The following STK35 variants were observed in gnomAD, a reference collection of about 807,000 sequenced individuals.
The protein encoded by STK35 is serine/threonine-protein kinase 35.
In STK35, 17 loss-of-function variants were observed where a neutral mutation model predicts 37.3. The observed-to-expected ratio is 0.46, with a 90% CI of 0.31 to 0.68. The LOEUF (loss-of-function observed/expected upper bound fraction) is 0.68, where lower values mean the gene tolerates loss of function less well. Among genes scored for constraint, STK35 ranks in the 30% least tolerant of loss-of-function variants. The pLI is 0.05. For missense variants in STK35, 595 were observed against 746.7 expected, an observed-to-expected ratio of 0.80 and a Z score of 2.37; for synonymous variants, 385 against 319.1, an observed-to-expected ratio of 1.21 and a Z score of -2.20.
chr20:2,124,976 G>GC (rs1159960996), intron 3 of STK35, among the ~76,000 whole-genome samples: 1 of 152,174 alleles, frequency 6.6e-6, no homozygotes, highest in Non-Finnish European at 1.5e-5. Flanking sequence ...GGGGCCGATG[G>GC]CCCCCCAGGG....
intron 3 of STK35, among the ~76,000 whole-genome samples, chr20:2,139,070 G>A (rs1313528951): frequency 6.6e-6 from 1 of 152,180 alleles, no homozygotes; most frequent in African/African-American, 2.4e-5. Flanking sequence ...CACTAATAAA[G>A]TAGGAAGGCC....
chr20:2,110,724 C>T (rs187723895), intron 2 of STK35, among the ~76,000 whole-genome samples: 1 of 152,290 alleles, frequency 6.6e-6, no homozygotes, highest in Non-Finnish European at 1.5e-5. Flanking sequence ...CCTAATTAGT[C>T]CTCTGCTGAA....
In STK35 at chr20:2,103,233, C is replaced by G; in HGVS notation, c.760C>G (p.Leu254Val). 6.2e-7 allele frequency: 1 copy of G among 1,613,072 alleles called. No homozygotes were observed. The highest frequency in any genetic ancestry group is 1.3e-5 in the African/African-American group (1 of 75,064). The stretch of plus-strand genomic sequence containing the variant: ...GGCTGAATTCTGGGCCCTCACCAGC[C>G]TCAAGCGGCGCCACCAGAACGTCGT... ...ALAEFWALTS[L>V]KRRHQNVVQF... The change falls in exon 2 of 4, where the codon CTC becomes GTC. Residue 254 changes from leucine (L) to valine (V), a missense_variant. By Grantham distance (32) the Leu-to-Val change is conservative. Coordinates refer to ENST00000381482, the MANE Select transcript of STK35 (RefSeq NM_080836.4).
rs1985393350 is a variant in STK35, at chr20:2,101,931, C to G, written c.50C>G (p.Ala17Gly). 1.3e-6 allele frequency: 2 copies of G among 1,485,344 alleles called. No homozygotes were observed. Among genetic ancestry groups the G allele is most frequent in the African/African-American group, 1.4e-5 (1 of 69,660 alleles). 92.0% of individuals were successfully genotyped at this position (1,485,344 alleles called of 1,614,324 possible). Residue 17 changes from alanine (A) to glycine (G), a missense_variant, in exon 1 of 4, where the codon GCT becomes GGT. Ala to Gly is a moderately conservative substitution (Grantham distance 60). This residue lies in a region of STK35 where 389 missense variants were observed against 320.0 expected (regional missense o/e 1.22). Coordinates refer to ENST00000381482, the MANE Select transcript of STK35 (RefSeq NM_080836.4). ...GCCCGGGCGCCGGCGGGAGGTGCAGCTTATGTAAAGAGGTTATGTAAAGGG... is the reference window on the plus strand; with the variant it reads ...GCCCGGGCGCCGGCGGGAGGTGCAGGTTATGTAAAGAGGTTATGTAAAGGG... ...PLARAPAGGAAYVKRLCKGLS... is the reference protein window; with the variant it reads ...PLARAPAGGAGYVKRLCKGLS...
intron 2 of STK35, among the ~76,000 whole-genome samples, chr20:2,116,305 G>C (rs1413289035): frequency 2.0e-5 from 3 of 152,202 alleles, no homozygotes; most frequent in Non-Finnish European, 4.4e-5. Context: ...AGAAGCAACA[G>C]ACCCGTGACA....
chr20:2,102,721 G>T, intron 1 of STK35, 47 bp from the exon 2 acceptor site: 1 of 1,358,778 alleles, frequency 7.4e-7, no homozygotes. Context: ...TACGCTCCTG[G>T]CCTCCCCGCC....
At chr20:2,135,190 CTA>C (rs1986065795) in intron 3 of STK35, among the ~76,000 whole-genome samples, 1 of 152,222 alleles carries the variant, frequency 6.6e-6, no homozygotes, top group African/African-American at 2.4e-5. Context: ...GAGCACATTC[CTA>C]TGATTGCATC....
chr20:2,102,311 A>C, intron 1 of STK35, 136 bp downstream of exon 1: 1 of 1,206,874 alleles, frequency 8.3e-7, no homozygotes, highest in Non-Finnish European at 1.1e-6. Context: ...AATCCCTTCT[A>C]CCCGTCGCCC....
intron 2 of STK35, among the ~76,000 whole-genome samples, chr20:2,107,426 G>GGT (rs1985537164): frequency 1.3e-5 from 2 of 152,232 alleles, no homozygotes; most frequent in South Asian, 4.1e-4. Context: ...TGGGAACCGA[G>GGT]GCCTTGGAAA....
rs745719633 is a variant in STK35, at chr20:2,146,467, T to C, written c.*2721T>C. On this transcript the variant is annotated 3_prime_UTR_variant, in exon 4 of 4. Coordinates refer to ENST00000381482, the MANE Select transcript of STK35 (RefSeq NM_080836.4). ...ACGGCAGTCATTTGTTCTCCTCGGC[T>C]CTGTGGCAAGGATAGCCCTTTGGAG... 1 of 152,794 alleles carries C rather than the reference T, an allele frequency of 6.5e-6. No homozygotes were observed. The highest frequency in any genetic ancestry group is 1.5e-5 in the Non-Finnish European group (1 of 68,142). 9.5% of individuals were successfully genotyped at this position (152,794 alleles called of 1,614,324 possible). A position where few individuals can be genotyped will look rare whatever the true frequency, so the allele number is the denominator to read the frequency against.
intron 3 of STK35, among the ~76,000 whole-genome samples, chr20:2,128,619 T>G (rs1985945773): frequency 1.3e-5 from 2 of 152,002 alleles, no homozygotes; most frequent in African/African-American, 4.8e-5. Flanking sequence ...CAATTTAACC[T>G]CTCCGTGGGC....
At position 2,111,667 on chromosome 20, in the gene STK35, C is replaced by T. The variant is rs181964008; in HGVS notation, c.893-4999C>T. Among the ~76,000 whole-genome samples, 117 of 152,344 alleles carry T rather than the reference C, an allele frequency of 7.7e-4. 1 individual carries two copies. Among genetic ancestry groups the T allele is most frequent in the African/African-American group, 2.8e-3 (115 of 41,576 alleles). The stretch of plus-strand genomic sequence containing the variant: ...GCAGTGAGCTGTGATTGGCTGCACT[C>T]TGGCCTGGGCAACAGAGCTAGACCG... On this transcript the variant is annotated intron_variant, in intron 2 of 3. Transcript: ENST00000381482.
chr20:2,137,465 C>T (rs1202490156), intron 3 of STK35, among the ~76,000 whole-genome samples: 1 of 152,212 alleles, frequency 6.6e-6, no homozygotes, highest in Non-Finnish European at 1.5e-5. Context: ...TGTCGTAAGG[C>T]GTGGACCTGT....
In STK35 at chr20:2,120,710, G is replaced by A. The variant is rs138800348; in HGVS notation, c.*37+3295G>A. ...CATGTTCTTTGGAAACTCTTTCCAA[G>A]TACCATTTTAGACACAGATAATACA... On this transcript the variant is annotated intron_variant, in intron 3 of 3. Transcript: ENST00000381482. Among the ~76,000 whole-genome samples the A allele has an allele frequency of 5.4e-3, 826 of 152,320 alleles. 4 individuals are homozygous for A. Among genetic ancestry groups the A allele is most frequent in the Non-Finnish European group, 8.4e-3 (574 of 68,024 alleles).
intron 2 of STK35, among the ~76,000 whole-genome samples, chr20:2,114,265 G>A (rs539468594): frequency 1.2e-4 from 19 of 152,148 alleles, no homozygotes; most frequent in African/African-American, 3.9e-4. Context: ...TTGAGGCCAG[G>A]TGCTATTGAG....
chr20:2,127,841 T>C (rs1431592761), intron 3 of STK35, among the ~76,000 whole-genome samples: 1 of 152,180 alleles, frequency 6.6e-6, no homozygotes, highest in Non-Finnish European at 1.5e-5. Context: ...GAGATCCAGA[T>C]GTGAGTCTTG....
Position 2,101,953 on chromosome 20 carries a change from A to C in STK35, c.72A>C (p.Lys24Asn). 6.6e-7 allele frequency: 1 copy of C among 1,517,990 alleles called. No individual in the cohort carries two copies. Among genetic ancestry groups the C allele is most frequent in the South Asian group, 1.2e-5 (1 of 83,104 alleles). The allele number at this position is 1,517,990 out of a possible 1,614,324, so 94.0% of individuals were successfully genotyped here. A position where few individuals can be genotyped will look rare whatever the true frequency, so the allele number is the denominator to read the frequency against. Residue 24 changes from lysine to asparagine, a missense_variant, in exon 1 of 4, where the codon AAA (lysine) becomes AAC (asparagine). Lys to Asn is a moderately conservative substitution (Grantham distance 94, BLOSUM62 0). Around this residue, in one of 3 missense-constraint regions of STK35, gnomAD observed 389 missense variants for 320.0 expected, o/e 1.22. Coordinates refer to ENST00000381482, the MANE Select transcript of STK35 (RefSeq NM_080836.4). ...CAGCTTATGTAAAGAGGTTATGTAA[A>C]GGGCTCAGCTGGCGCGAACACGTGG... is the stretch of plus-strand genomic sequence containing the variant. The part of the protein sequence containing the change: ...GGAAYVKRLC[K>N]GLSWREHVES...
Position 2,146,145 on chromosome 20 carries a change from C to T in STK35, c.*2399C>T. ...ATAAATGCAGGCCAGCGTTTTAGCCCCAAGTGCCTGCCCTTGCTTCTTACC... is the reference window on the plus strand; with the variant it reads ...ATAAATGCAGGCCAGCGTTTTAGCCTCAAGTGCCTGCCCTTGCTTCTTACC... On this transcript the variant is annotated 3_prime_UTR_variant, in exon 4 of 4. Coordinates refer to ENST00000381482, the MANE Select transcript of STK35 (RefSeq NM_080836.4). 6.6e-6 allele frequency: 1 copy of T among 152,212 alleles called. No homozygotes were observed. The highest frequency in any genetic ancestry group is 2.1e-4 in the South Asian group (1 of 4,836). 9.4% of individuals were successfully genotyped at this position (152,212 alleles called of 1,614,324 possible). A position where few individuals can be genotyped will look rare whatever the true frequency, so the allele number is the denominator to read the frequency against.
chr20:2,114,621 G>C (rs766616225), intron 2 of STK35, among the ~76,000 whole-genome samples: 21 of 152,126 alleles, frequency 1.4e-4, no homozygotes, highest in Non-Finnish European at 2.6e-4. Flanking sequence ...CCTCAGAGCA[G>C]CTCCTCAGTC....
Sources: allele counts gnomAD v4.1 joint callset (sites outside exome capture counted in the v4.1 genomes callset), GRCh38; gene constraint gnomAD v4.1.1; regional missense constraint gnomAD v4.1.1; transcripts MANE v1.5; gene names NCBI Gene and HGNC (gene_info 2026-07-23, HGNC 2026-07-21).